The following LYN variants were observed in gnomAD, a reference collection of about 807,000 sequenced individuals.
The protein encoded by LYN is LYN proto-oncogene, Src family tyrosine kinase, also known as tyrosine-protein kinase Lyn.
LYN carries 12 observed loss-of-function variants against 65.0 expected under a neutral mutation model. The observed-to-expected ratio is 0.18, with a 90% CI of 0.12 to 0.30. The LOEUF (loss-of-function observed/expected upper bound fraction) is 0.30, where lower values mean the gene tolerates loss of function less well. LYN is among the 10% of genes least tolerant of loss of function. The probability of loss-of-function intolerance (pLI) is 1.00; values close to 1 mark genes in which losing one functional copy is unlikely to be tolerated. For missense variants in LYN, 380 were observed against 623.2 expected (o/e 0.61, Z 4.16); for synonymous variants, 222 against 221.2 (o/e 1.00, Z -0.03).
At chr8:55,909,917 T>C (rs1485842125) in intron 1 of LYN, among the ~76,000 whole-genome samples, 2 of 152,140 alleles carry the variant, frequency 1.3e-5, no homozygotes, top group African/African-American at 2.4e-5. Context: ...TATTTGTATG[T>C]ATTTTTTTTG....
chr8:55,911,839 C>T (rs760384210), intron 1 of LYN, among the ~76,000 whole-genome samples: 2 of 152,126 alleles, frequency 1.3e-5, no homozygotes, highest in African/African-American at 2.4e-5. Flanking sequence ...ACTTCAGCAC[C>T]TGGTGCCCTT....
intron 1 of LYN, among the ~76,000 whole-genome samples, chr8:55,918,065 G>A (rs1759883042): frequency 6.6e-6 from 1 of 152,238 alleles, no homozygotes; most frequent in South Asian, 2.1e-4. Flanking sequence ...CACTGAGAAG[G>A]AACCAGGGTG....
intron 10 of LYN, among the ~76,000 whole-genome samples, chr8:55,994,417 T>C (rs2719243): frequency 0.26 from 40,303 of 152,158 alleles, 5,803 homozygotes; most frequent in African/African-American, 0.35. Context: ...ATACACTAGG[T>C]TTGTTGCAAG....
chr8:55,935,580 C>T (rs1374373288), intron 1 of LYN, among the ~76,000 whole-genome samples: 1 of 152,066 alleles, frequency 6.6e-6, no homozygotes, highest in Non-Finnish European at 1.5e-5. Context: ...TGGAGACCAG[C>T]CTGGCCAACA....
At chr8:56,008,112 C>G (rs1808719432) in intron 12 of LYN, among the ~76,000 whole-genome samples, 1 of 94,896 alleles carries the variant, frequency 1.1e-5, no homozygotes, top group African/African-American at 5.4e-5. Flanking sequence ...GAGGGAGACT[C>G]TGCCTCAAAA....
intron 1 of LYN, among the ~76,000 whole-genome samples, chr8:55,929,439 T>C (rs1356238320): frequency 1.3e-5 from 2 of 152,234 alleles, no homozygotes; most frequent in Non-Finnish European, 1.5e-5. Context: ...ACAGGCATAG[T>C]GGCAGATGTG....
intron 1 of LYN, among the ~76,000 whole-genome samples, chr8:55,895,895 C>G (rs888054786): frequency 3.9e-5 from 6 of 151,992 alleles, no homozygotes; most frequent in African/African-American, 1.5e-4. Flanking sequence ...TTTGGAGGAT[C>G]CCTACCCACT....
At chr8:55,911,822 G>A (rs1192992439) in intron 1 of LYN, among the ~76,000 whole-genome samples, 1 of 152,150 alleles carries the variant, frequency 6.6e-6, no homozygotes, top group African/African-American at 2.4e-5. Flanking sequence ...CGACTTCTTG[G>A]TTTTAAACTT....
chr8:55,921,110 A>G (rs538781691), intron 1 of LYN, among the ~76,000 whole-genome samples: 1 of 152,344 alleles, frequency 6.6e-6, no homozygotes, highest in Non-Finnish European at 1.5e-5. Flanking sequence ...CTGAAACGAA[A>G]ACAATTTTGG....
At chr8:55,951,941 T>C (rs375540124) in intron 6 of LYN, 25 bp from the exon 7 acceptor site, 1 of 1,601,832 alleles carries the variant, frequency 6.2e-7, no homozygotes, top group Non-Finnish European at 8.5e-7. Flanking sequence ...GATATAAACA[T>C]TTACTTACAC....
intron 10 of LYN, among the ~76,000 whole-genome samples, chr8:55,991,089 A>G (rs1263544921): frequency 3.3e-5 from 5 of 152,160 alleles, no homozygotes; most frequent in South Asian, 2.1e-4. Flanking sequence ...CTGTGTCCAT[A>G]GTGGCCTCTG....
At chr8:55,920,457 C>A (rs942359359) in intron 1 of LYN, among the ~76,000 whole-genome samples, 1 of 152,148 alleles carries the variant, frequency 6.6e-6, no homozygotes, top group African/African-American at 2.4e-5. Flanking sequence ...TGGGAAGTAA[C>A]GCATTGTTTA....
At chr8:55,909,359 C>T (rs1461033006) in intron 1 of LYN, among the ~76,000 whole-genome samples, 1 of 152,118 alleles carries the variant, frequency 6.6e-6, no homozygotes, top group Admixed American at 6.6e-5. Context: ...CATCCAGGGC[C>T]AACAAGGCCC....
At position 55,998,370 on chromosome 8, in the gene LYN, G is replaced by A. The variant is rs1218543185; in HGVS notation, c.1075G>A (p.Glu359Lys). Residue 359 changes from glutamate (E) to lysine (K), a missense_variant, in exon 11 of 13, where the codon GAG becomes AAG. This residue lies in a region of LYN where 223 missense variants were observed against 430.0 expected (regional missense o/e 0.52). Coordinates refer to ENST00000519728, the MANE Select transcript of LYN (RefSeq NM_002350.4). Reference sequence around the variant, plus strand: ...GATTGCAGAGGGAATGGCATACATCGAGCGGAAGAACTACATTCACCGGGA... The same window carrying A: ...GATTGCAGAGGGAATGGCATACATCAAGCGGAAGAACTACATTCACCGGGA... ...AQIAEGMAYIERKNYIHRDLR... is the reference protein window; with the variant it reads ...AQIAEGMAYIKRKNYIHRDLR... 6.2e-7 allele frequency: 1 copy of A among 1,613,586 alleles called. No individual in the cohort carries two copies. Among genetic ancestry groups the A allele is most frequent in the Non-Finnish European group, 8.5e-7 (1 of 1,179,542 alleles).
At chr8:55,983,685 A>G (rs571705097) in intron 10 of LYN, among the ~76,000 whole-genome samples, 33 of 152,022 alleles carry the variant, frequency 2.2e-4, no homozygotes, top group African/African-American at 7.7e-4. Flanking sequence ...TCACTCCCTC[A>G]TGGCACGTTT....
intron 1 of LYN, among the ~76,000 whole-genome samples, chr8:55,930,416 G>A (rs1173168454): frequency 6.6e-6 from 1 of 152,138 alleles, no homozygotes; most frequent in African/African-American, 2.4e-5. Flanking sequence ...TGGCTGGATT[G>A]TTGATCATAA....
At chr8:55,897,402 G>A (rs73604874) in intron 1 of LYN, among the ~76,000 whole-genome samples, 3,345 of 152,174 alleles carry the variant, frequency 0.022, 133 homozygotes, top group African/African-American at 0.076. Flanking sequence ...GCATTCTGAC[G>A]CTGAGCACAC....
At chr8:55,910,227 A>C (rs1285182171) in intron 1 of LYN, among the ~76,000 whole-genome samples, 1 of 152,096 alleles carries the variant, frequency 6.6e-6, no homozygotes, top group Non-Finnish European at 1.5e-5. Context: ...TGCCTAGACC[A>C]ATGTCCAGAA....
intron 1 of LYN, among the ~76,000 whole-genome samples, chr8:55,922,613 C>T (rs933071797): frequency 2.0e-5 from 3 of 151,858 alleles, no homozygotes; most frequent in Non-Finnish European, 2.9e-5. Flanking sequence ...ACTAAAAATA[C>T]AAAATTAGCC....
Sources: gnomAD v4.1 joint callset for allele counts (sites outside exome capture counted in the v4.1 genomes callset) on GRCh38, gnomAD v4.1.1 for gene constraint, gnomAD v4.1.1 regional missense constraint, MANE v1.5 for transcripts, NCBI Gene and HGNC (gene_info 2026-07-23, HGNC 2026-07-21) for gene names.